Variants in CDK14 observed in about 807,000 individuals in gnomAD.
CDK14 encodes cyclin dependent kinase 14.
A neutral mutation model predicts 60.7 loss-of-function variants in CDK14; 34 were observed. That is an observed-to-expected ratio of 0.56 (90% CI 0.43 to 0.75). CDK14 has a LOEUF of 0.75. CDK14 is among the 30% of genes least tolerant of loss of function. The pLI is 0.00. For missense variants in CDK14, 482 were observed against 564.1 expected, an observed-to-expected ratio of 0.85 and a Z score of 1.47; for synonymous variants, 197 against 203.7, an observed-to-expected ratio of 0.97 and a Z score of 0.28.
intron 3 of CDK14, among the ~76,000 whole-genome samples, chr7:90,740,193 T>A (rs1445383312): frequency 6.6e-6 from 1 of 151,848 alleles, no homozygotes; most frequent in African/African-American, 2.4e-5. Context: ...CTATATTAAT[T>A]TTTGAAATAT....
At chr7:90,838,810 G>A (rs551212755) in intron 5 of CDK14, among the ~76,000 whole-genome samples, 15 of 152,216 alleles carry the variant, frequency 9.9e-5, no homozygotes, top group South Asian at 8.3e-4. Flanking sequence ...AAGACAATGC[G>A]TGCCCAGCGG....
intron 2 of CDK14, among the ~76,000 whole-genome samples, chr7:90,708,513 T>A (rs1801950871): frequency 6.6e-6 from 1 of 152,224 alleles, no homozygotes; most frequent in Non-Finnish European, 1.5e-5. Context: ...AATAACTTTT[T>A]AAAAAGATTT....
intron 9 of CDK14, among the ~76,000 whole-genome samples, chr7:90,974,501 C>G (rs955809647): frequency 3.3e-5 from 5 of 152,080 alleles, no homozygotes; most frequent in Non-Finnish European, 7.4e-5. Flanking sequence ...TTCAGCCAGT[C>G]CCTCTGTTCT....
Position 91,136,472 on chromosome 7 carries a change from T to C in CDK14, c.*28+18264T>C, listed in dbSNP as rs537825655. ...TGAATTTAAAAAACAGCAATGTACT[T>C]GTTTATAAGGGTAACATGGGTATCT... On this transcript the variant is annotated intron_variant, in intron 14 of 14. Coordinates refer to ENST00000380050, the MANE Select transcript of CDK14 (RefSeq NM_001287135.2). Among the ~76,000 whole-genome samples, 6 of 152,306 alleles carry C rather than the reference T, an allele frequency of 3.9e-5. No individual in the cohort carries two copies. In the South Asian group the frequency reaches 1.2e-3, roughly 32 times the overall value.
chr7:90,766,730 G>A (rs1410557073), intron 4 of CDK14, among the ~76,000 whole-genome samples: 1 of 152,134 alleles, frequency 6.6e-6, no homozygotes, highest in Non-Finnish European at 1.5e-5. Flanking sequence ...GAGGGGAGTG[G>A]GTAGATGGGC....
chr7:91,166,313 T>C (rs1801345193), intron 14 of CDK14, among the ~76,000 whole-genome samples: 1 of 152,186 alleles, frequency 6.6e-6, no homozygotes, highest in Admixed American at 6.5e-5. Flanking sequence ...CCAAATATCA[T>C]CCCAGTGGAC....
intron 2 of CDK14, among the ~76,000 whole-genome samples, chr7:90,705,176 TA>T (rs879284659): frequency 6.6e-6 from 1 of 152,002 alleles, no homozygotes; most frequent in African/African-American, 2.4e-5. Flanking sequence ...CTTTTAGACT[TA>T]AAAGTTTTAA....
rs12671731 is a variant in CDK14, at chr7:90,757,256, G to C, written c.464+9481G>C. ...TGTGTGTGTGTGTGTGTGTGTCTGT[G>C]TGTGTCTGTGTCCAAGTTTTCCCTT... On this transcript the variant is annotated intron_variant, in intron 4 of 14. Coordinates refer to ENST00000380050, the MANE Select transcript of CDK14 (RefSeq NM_001287135.2). Among the ~76,000 whole-genome samples the C allele has an allele frequency of 6.3e-3, 929 of 147,448 alleles. 8 individuals are homozygous for C. The highest frequency in any genetic ancestry group is 0.057 in the East Asian group (242 of 4,244).
chr7:91,054,833 G>A (rs752024358), intron 11 of CDK14, among the ~76,000 whole-genome samples: 4 of 152,158 alleles, frequency 2.6e-5, no homozygotes, highest in South Asian at 2.1e-4. Flanking sequence ...CAGGGACAGC[G>A]GCAAGAAACA....
chr7:90,790,214 G>A (rs919888942), intron 4 of CDK14, among the ~76,000 whole-genome samples: 1 of 151,770 alleles, frequency 6.6e-6, no homozygotes, highest in African/African-American at 2.4e-5. Context: ...CAAAGAGGGA[G>A]CTATTGGAGA....
At chr7:90,962,292 G>A (rs1021702081) in intron 9 of CDK14, among the ~76,000 whole-genome samples, 5 of 152,048 alleles carry the variant, frequency 3.3e-5, no homozygotes, top group Non-Finnish European at 5.9e-5. Flanking sequence ...TTCAAGACCA[G>A]TCCCATCAAC....
At chr7:90,661,677 C>T (rs1302897499) in intron 2 of CDK14, among the ~76,000 whole-genome samples, 4 of 152,124 alleles carry the variant, frequency 2.6e-5, no homozygotes, top group Non-Finnish European at 5.9e-5. Flanking sequence ...GTTTCTAATC[C>T]TTGTGTGCTG....
intron 14 of CDK14, among the ~76,000 whole-genome samples, chr7:91,147,073 G>A (rs1026601097): frequency 5.9e-5 from 9 of 151,312 alleles, no homozygotes; most frequent in South Asian, 2.1e-4. Context: ...CATCAGCATC[G>A]TCTGATGATC....
rs145681594 is a variant in CDK14, at chr7:90,709,176, A to G, written c.124-17391A>G. Reference sequence around the variant, plus strand: ...ACCTGTGCTTTTTTTTTTTAACCACATATTTGGTGCGTGGTTATTTTAGAC... The same window carrying G: ...ACCTGTGCTTTTTTTTTTTAACCACGTATTTGGTGCGTGGTTATTTTAGAC... On this transcript the variant is annotated intron_variant, in intron 2 of 14. Coordinates refer to ENST00000380050, the MANE Select transcript of CDK14 (RefSeq NM_001287135.2). The G allele has an allele frequency of 2.6e-3, 573 of 221,168 alleles. 9 individuals carry two copies. Among genetic ancestry groups the G allele is most frequent in the African/African-American group, 0.012 (548 of 43,954 alleles). The allele number at this position is 221,168 out of a possible 1,614,324, so 13.7% of individuals were successfully genotyped here. A position where few individuals can be genotyped will look rare whatever the true frequency, so the allele number is the denominator to read the frequency against.
At chr7:90,596,757 T>C in intron 1 of CDK14, 39 bp downstream of exon 1, 1 of 1,533,148 alleles carries the variant, frequency 6.5e-7, no homozygotes, top group Non-Finnish European at 9.0e-7. Flanking sequence ...CAGCGCCCGC[T>C]CCCCTCGGCC....
intron 12 of CDK14, among the ~76,000 whole-genome samples, chr7:91,079,781 A>G (rs1798431664): frequency 6.6e-6 from 1 of 152,242 alleles, no homozygotes; most frequent in Non-Finnish European, 1.5e-5. Context: ...TATCAGCAAC[A>G]TAGCATTTAG....
intron 2 of CDK14, among the ~76,000 whole-genome samples, chr7:90,646,731 C>A (rs1214940204): frequency 2.0e-5 from 3 of 152,064 alleles, no homozygotes; most frequent in Non-Finnish European, 2.9e-5. Flanking sequence ...GTATATAGAT[C>A]CAACTCATTC....
chr7:91,093,720 C>T (rs1798898798), intron 12 of CDK14, among the ~76,000 whole-genome samples: 2 of 152,100 alleles, frequency 1.3e-5, no homozygotes, highest in African/African-American at 4.8e-5. Context: ...ATGGCATATG[C>T]ACTCACATGT....
At chr7:91,193,131 T>G (rs772160645) in intron 14 of CDK14, among the ~76,000 whole-genome samples, 1 of 152,230 alleles carries the variant, frequency 6.6e-6, no homozygotes, top group Non-Finnish European at 1.5e-5. Flanking sequence ...TTTAACTTTC[T>G]TGGAAGGTAT....
Sources: gnomAD v4.1 joint callset for allele counts (sites outside exome capture counted in the v4.1 genomes callset) on GRCh38, gnomAD v4.1.1 for gene constraint, MANE v1.5 for transcripts, NCBI Gene and HGNC (gene_info 2026-07-23, HGNC 2026-07-21) for gene names.